SMARCA4: variants seen among roughly 807,000 people sequenced by gnomAD.
The protein encoded by SMARCA4 is SWI/SNF-related matrix-associated actin-dependent regulator of chromatin subfamily A member 4.
In SMARCA4, 31 loss-of-function variants were observed where a neutral mutation model predicts 193.9. The observed-to-expected ratio is 0.16, with a 90% CI of 0.12 to 0.22. The LOEUF (loss-of-function observed/expected upper bound fraction) is 0.22. Ranked by LOEUF, SMARCA4 falls within the 10% of genes least tolerant of loss-of-function variation. The probability of loss-of-function intolerance (pLI) is 1.00; values close to 1 mark genes in which losing one functional copy is unlikely to be tolerated. For missense variants in SMARCA4, 1,148 were observed against 2,296.0 expected (o/e 0.50, Z 10.22); for synonymous variants, 942 against 933.1 (o/e 1.01, Z -0.17).
chr19:10,996,627 T>C, intron 11 of SMARCA4, 83 bp downstream of exon 11: 3 of 1,321,966 alleles, frequency 2.3e-6, no homozygotes, highest in Non-Finnish European at 3.3e-6. Flanking sequence ...CTGTGTTCTT[T>C]TAAAATTACG....
chr19:10,972,754 G>C (rs1002526161), intron 1 of SMARCA4, among the ~76,000 whole-genome samples: 2 of 152,172 alleles, frequency 1.3e-5, no homozygotes, highest in South Asian at 2.1e-4. Flanking sequence ...GTATATAGCT[G>C]ATAACACAGC....
Position 10,989,407 on chromosome 19 carries a change from G to A in SMARCA4, c.1209G>A (p.Glu403=), listed in dbSNP as rs200159174. Residue 403 remains glutamate, a synonymous_variant, in exon 7 of 35, where the codon GAG becomes GAA. Coordinates refer to ENST00000344626, the MANE Select transcript of SMARCA4 (RefSeq NM_003072.5). The stretch of plus-strand genomic sequence containing the variant: ...ATTTGCGAACCAAAGCGACCATTGA[G>A]CTCAAGGCCCTCAGGCTGCTGAACT... The part of the protein sequence containing the change: ...AGDLRTKATI[E]LKALRLLNFQ... 4.5e-5 allele frequency: 72 copies of A among 1,614,176 alleles called. No individual in the cohort carries two copies. The East Asian group carries it at 1.5e-3, about 34-fold the overall frequency.
chr19:11,034,175 A>G lies in SMARCA4; in HGVS notation c.3926A>G (p.His1309Arg), dbSNP rs1158845896. ...ACCGTCAACCAGATGATCGCCCGGC[A>G]CGAGGAGGAGTTTGATCTGTTCATG... ...DETVNQMIAR[H>R]EEEFDLFMRM... The change falls in exon 28 of 35, where the codon CAC becomes CGC. Residue 1309 changes from histidine (H) to arginine (R), a missense_variant. Physicochemically the swap from His to Arg is conservative, Grantham distance 29. Around this residue, in one of 17 missense-constraint regions of SMARCA4, gnomAD observed 84 missense variants for 202.2 expected, o/e 0.42. Transcript: ENST00000344626. This position sits in a 1 kb window ranked among gnomAD's most constrained non-coding sequence, Gnocchi z 7.0. The G allele has an allele frequency of 6.2e-7, 1 of 1,613,836 alleles. No individual in the cohort carries two copies. The highest frequency in any genetic ancestry group is 1.3e-5 in the African/African-American group (1 of 75,042).
chr19:10,974,539 C>T (rs1271966608), intron 1 of SMARCA4, among the ~76,000 whole-genome samples: 1 of 147,254 alleles, frequency 6.8e-6, no homozygotes. Context: ...AAATAAAAAG[C>T]GCCAGACATC....
chr19:11,000,315 T>G lies in SMARCA4; in HGVS notation c.1813-2714T>G, dbSNP rs534296671. Among the ~76,000 whole-genome samples, 25 of 151,282 alleles carry G rather than the reference T, an allele frequency of 1.7e-4. No individual in the cohort carries two copies. In the East Asian group the frequency reaches 4.3e-3, roughly 26 times the overall value. On this transcript the variant is annotated intron_variant, in intron 11 of 34. Transcript: ENST00000344626. The stretch of plus-strand genomic sequence containing the variant: ...AGTTTGGGTTGCTAAGGTGGGTGGA[T>G]CGCTTGAGCCCAGGAGTTCGAAACC...
chr19:11,005,107 A>G (rs1226000123), intron 13 of SMARCA4, among the ~76,000 whole-genome samples: 2 of 152,182 alleles, frequency 1.3e-5, no homozygotes, highest in Non-Finnish European at 2.9e-5. Context: ...AAGTGTTGGG[A>G]TTACAGGCGT....
At chr19:10,988,443 C>T (rs969972827) in intron 6 of SMARCA4, among the ~76,000 whole-genome samples, 5 of 152,186 alleles carry the variant, frequency 3.3e-5, no homozygotes, top group Admixed American at 2.0e-4. Flanking sequence ...AGATCTACTC[C>T]GTGGATTAAA....
chr19:11,000,027 A>G (rs976301282), intron 11 of SMARCA4, among the ~76,000 whole-genome samples: 2 of 152,004 alleles, frequency 1.3e-5, no homozygotes, highest in Non-Finnish European at 2.9e-5. Flanking sequence ...AGAGTTCAAG[A>G]CCAGCCTGAC....
intron 30 of SMARCA4, among the ~76,000 whole-genome samples, chr19:11,048,947 C>T (rs1194030055): frequency 1.3e-5 from 2 of 152,208 alleles, no homozygotes; most frequent in Non-Finnish European, 2.9e-5. Context: ...TGCCAGCTGT[C>T]ACAGCCACGG....
Position 10,987,553 on chromosome 19 carries a change from T to A in SMARCA4, c.860-113T>A. On this transcript the variant is annotated intron_variant, in intron 5 of 34. Coordinates refer to ENST00000344626, the MANE Select transcript of SMARCA4 (RefSeq NM_003072.5). This position sits in a 1 kb window ranked among gnomAD's most constrained non-coding sequence, Gnocchi z 5.3. The stretch of plus-strand genomic sequence containing the variant: ...ACACCCCTGGGTGAAAGGTGGGAGA[T>A]GGGCGGGGTCTGCCTGTCCCCAGTG... 8.2e-7 allele frequency: 1 copy of A among 1,223,718 alleles called. No individual in the cohort carries two copies. The highest frequency in any genetic ancestry group is 1.3e-5 in the South Asian group (1 of 78,956). 75.8% of individuals were successfully genotyped at this position (1,223,718 alleles called of 1,614,324 possible). A position where few individuals can be genotyped will look rare whatever the true frequency, so the allele number is the denominator to read the frequency against.
chr19:11,058,963 C>T lies in SMARCA4; in HGVS notation c.4635+74C>T. ...TTTGACCCAACCCGCCCCTCCTTCC[C>T]TTCTGAATTGATGGGTTAAAAACAA... On this transcript the variant is annotated intron_variant, in intron 32 of 34. Transcript: ENST00000344626. The surrounding 1 kb of genome is among the most constrained non-coding windows in gnomAD (Gnocchi z 5.8). The T allele has an allele frequency of 8.4e-7, 1 of 1,183,664 alleles. No individual in the cohort carries two copies. The highest frequency in any genetic ancestry group is 1.3e-6 in the Non-Finnish European group (1 of 799,278). 73.3% of individuals were successfully genotyped at this position (1,183,664 alleles called of 1,614,324 possible).
At position 10,968,001 on chromosome 19, in the gene SMARCA4, C is replaced by T. The variant is rs1402279946; in HGVS notation, c.-32+6827C>T. Among the ~76,000 whole-genome samples the T allele has an allele frequency of 5.9e-5, 9 of 151,778 alleles. No individual in the cohort carries two copies. The South Asian group carries it at 8.3e-4, about 14-fold the overall frequency. On this transcript the variant is annotated intron_variant, in intron 1 of 34. Coordinates refer to ENST00000344626, the MANE Select transcript of SMARCA4 (RefSeq NM_003072.5). Reference sequence around the variant, plus strand: ...ATGCCATTCTCCTGCCTCAGCCTCCCGAGTAGCTGAGACTACAGGCGCCCA... The same window carrying T: ...ATGCCATTCTCCTGCCTCAGCCTCCTGAGTAGCTGAGACTACAGGCGCCCA...
chr19:11,054,738 G>A (rs530624594), intron 30 of SMARCA4, among the ~76,000 whole-genome samples: 3 of 152,276 alleles, frequency 2.0e-5, no homozygotes, highest in East Asian at 1.9e-4. Flanking sequence ...GCAGTGAGCC[G>A]AGATCACGCC....
chr19:11,058,674 A>G lies in SMARCA4; in HGVS notation c.4534-114A>G. ...GGTTACCGAGGCTGGCGCTTCGGCC[A>G]CATCCTCATAGGCACGAGGAATCCT... On this transcript the variant is annotated intron_variant, in intron 31 of 34. Transcript: ENST00000344626. This position sits in a 1 kb window ranked among gnomAD's most constrained non-coding sequence, Gnocchi z 5.8. 2 of 906,522 alleles carry G rather than the reference A, an allele frequency of 2.2e-6. No individual in the cohort carries two copies. The allele number at this position is 906,522 out of a possible 1,614,324, so 56.2% of individuals were successfully genotyped here.
intron 1 of SMARCA4, among the ~76,000 whole-genome samples, chr19:10,970,993 G>C (rs1389122919): frequency 6.6e-6 from 1 of 152,162 alleles, no homozygotes; most frequent in East Asian, 1.9e-4. Context: ...GAGGTCGGGA[G>C]TTTGAGACCA....
Position 10,985,305 on chromosome 19 carries a change from G to A in SMARCA4, c.255G>A (p.Ser85=), listed in dbSNP as rs878854211. 8 of 1,613,898 alleles carry A rather than the reference G, an allele frequency of 5.0e-6. No homozygotes were observed. In the African/African-American group the frequency reaches 5.3e-5, roughly 11 times the overall value. The change falls in exon 3 of 35, where the codon TCG becomes TCA. Residue 85 remains serine, a synonymous_variant. Transcript: ENST00000344626. This position sits in a 1 kb window ranked among gnomAD's most constrained non-coding sequence, Gnocchi z 4.5. ...AGTCCATGCATGAGAAGGGCATGTC[G>A]GACGACCCGCGCTACAACCAGATGA... is the stretch of plus-strand genomic sequence containing the variant. ...PMESMHEKGM[S]DDPRYNQMKG...
chr19:11,029,195 A>AC (rs1387553608), intron 24 of SMARCA4, among the ~76,000 whole-genome samples: 1 of 151,352 alleles, frequency 6.6e-6, no homozygotes, highest in Non-Finnish European at 1.5e-5. Context: ...TGGCCGGGCC[A>AC]CCCCCCACCC....
chr19:11,052,389 A>G (rs1386358653), intron 30 of SMARCA4, among the ~76,000 whole-genome samples: 7 of 152,140 alleles, frequency 4.6e-5, no homozygotes, highest in Admixed American at 3.3e-4. Context: ...CCTGGGTGAC[A>G]CAGTGAGACC....
chr19:11,024,485 G>T, intron 21 of SMARCA4, 47 bp downstream of exon 21: 1 of 1,264,100 alleles, frequency 7.9e-7, no homozygotes, highest in Middle Eastern at 2.0e-4. Flanking sequence ...GGTGTCCAAG[G>T]CCGGCAGCGT....
Sources: gnomAD v4.1 joint callset for allele counts (sites outside exome capture counted in the v4.1 genomes callset) on GRCh38, gnomAD v4.1.1 for gene constraint, gnomAD v4.1.1 regional missense constraint, Gnocchi (gnomAD v3.1) non-coding constraint, MANE v1.5 for transcripts, NCBI Gene and HGNC (gene_info 2026-07-23, HGNC 2026-07-21) for gene names.